U2SURP: variants seen among roughly 807,000 people sequenced by gnomAD.
U2SURP encodes U2 snRNP associated SURP domain containing.
U2SURP carries 9 observed loss-of-function variants against 144.9 expected under a neutral mutation model. That is an observed-to-expected ratio of 0.06 (90% CI 0.04 to 0.11). The LOEUF (loss-of-function observed/expected upper bound fraction) is 0.11, where lower values mean the gene tolerates loss of function less well. Ranked by LOEUF, U2SURP falls within the 10% of genes least tolerant of loss-of-function variation. The pLI is 1.00. For synonymous variants in U2SURP, 408 were observed against 396.8 expected, an observed-to-expected ratio of 1.03 and a Z score of -0.33; for missense variants, 724 against 1,226.7, an observed-to-expected ratio of 0.59 and a Z score of 6.12.
At chr3:143,045,429 G>C (rs1455481281) in intron 24 of U2SURP, among the ~76,000 whole-genome samples, 1 of 148,158 alleles carries the variant, frequency 6.7e-6, no homozygotes, top group East Asian at 2.0e-4. Flanking sequence ...TGTTGGAGTA[G>C]AAATAGACTT....
rs1933278023 is a variant in U2SURP at position 143,028,420 on chromosome 3, A to C, written c.1446+14A>C. ...TCTATTCTGCAGGCAAGTAGAATCA[A>C]TTACTTTGTTAATTTTGACTCTGAG... On this transcript the variant is annotated intron_variant, in intron 15 of 27. Coordinates refer to ENST00000473835, the MANE Select transcript of U2SURP (RefSeq NM_001080415.2). The C allele has an allele frequency of 1.2e-6, 2 of 1,612,014 alleles. No individual in the cohort carries two copies. The highest frequency in any genetic ancestry group is 4.5e-5 in the East Asian group (2 of 44,826).
chr3:143,020,717 G>C (rs773336713), intron 8 of U2SURP, 24 bp downstream of exon 8: 8 of 1,559,298 alleles, frequency 5.1e-6, no homozygotes, highest in Non-Finnish European at 6.2e-6. Flanking sequence ...ATTTTAATGT[G>C]TATGCTTGTG....
intron 24 of U2SURP, among the ~76,000 whole-genome samples, chr3:143,046,098 T>A (rs191908522): frequency 6.6e-6 from 1 of 152,106 alleles, no homozygotes. Flanking sequence ...GTATATATAC[T>A]GTAATTTTGC....
intron 1 of U2SURP, among the ~76,000 whole-genome samples, chr3:143,007,293 T>TTTTC (rs1560173714): frequency 1.5e-4 from 23 of 151,526 alleles, no homozygotes; most frequent in Middle Eastern, 3.4e-3. Flanking sequence ...CTTTTCTTTT[T>TTTTC]TTTTTTTTCC....
At position 143,040,049 on chromosome 3, in the gene U2SURP, G is replaced by A. The variant is rs183656502; in HGVS notation, c.2384+1089G>A. On this transcript the variant is annotated intron_variant, in intron 23 of 27. Coordinates refer to ENST00000473835, the MANE Select transcript of U2SURP (RefSeq NM_001080415.2). ...GGTTTTCTGAACCCTTTTTATGTTC[G>A]TGATCCTATGATTAGTAACATCTTA... Among the ~76,000 whole-genome samples, 30 of 151,896 alleles carry A rather than the reference G, an allele frequency of 2.0e-4. No individual in the cohort carries two copies. The Middle Eastern group carries it at 0.02, about 103-fold the overall frequency.
At chr3:143,048,087 G>T (rs1934638831) in intron 24 of U2SURP, among the ~76,000 whole-genome samples, 1 of 152,234 alleles carries the variant, frequency 6.6e-6, no homozygotes, top group South Asian at 2.1e-4. Flanking sequence ...ATCACTTTCT[G>T]TCCTGGTCCC....
chr3:143,053,398 A>G (rs1934986903), intron 25 of U2SURP, among the ~76,000 whole-genome samples: 1 of 152,188 alleles, frequency 6.6e-6, no homozygotes, highest in Non-Finnish European at 1.5e-5. Context: ...AAATGATTAC[A>G]TGAAATGGTC....
chr3:143,025,974 A>G (rs1933122908), intron 13 of U2SURP: 2 of 152,160 alleles, frequency 1.3e-5, no homozygotes, highest in Admixed American at 6.6e-5. Flanking sequence ...TTTACATTCT[A>G]GCAGTTATAT....
chr3:143,053,801 C>T lies in U2SURP; in HGVS notation c.2774+7C>T. 1.3e-6 allele frequency: 2 copies of T among 1,570,990 alleles called. No individual in the cohort carries two copies. Among genetic ancestry groups the T allele is most frequent in the Non-Finnish European group, 1.7e-6 (2 of 1,163,152 alleles). ...CTCCGACAAGGAAGGAAAGGTATAACATTTCTCATATTTAATTGCATATAC... is the reference window on the plus strand; with the variant it reads ...CTCCGACAAGGAAGGAAAGGTATAATATTTCTCATATTTAATTGCATATAC... On this transcript the variant is annotated splice_region_variant and intron_variant, in intron 26 of 27. Coordinates refer to ENST00000473835, the MANE Select transcript of U2SURP (RefSeq NM_001080415.2).
chr3:143,028,435 T>G lies in U2SURP; in HGVS notation c.1446+29T>G, dbSNP rs922792265. On this transcript the variant is annotated intron_variant, in intron 15 of 27. Coordinates refer to ENST00000473835, the MANE Select transcript of U2SURP (RefSeq NM_001080415.2). ...AGTAGAATCAATTACTTTGTTAATT[T>G]TGACTCTGAGTAATTAGACCTTTAT... 1.9e-6 allele frequency: 3 copies of G among 1,610,628 alleles called. No individual in the cohort carries two copies. In the Admixed American group the frequency reaches 5.1e-5, roughly 27 times the overall value.
chr3:143,031,031 G>A (rs1017508463), intron 16 of U2SURP, among the ~76,000 whole-genome samples: 1 of 152,158 alleles, frequency 6.6e-6, no homozygotes, highest in East Asian at 1.9e-4. Flanking sequence ...TCCAGATATG[G>A]TAGAAATAGC....
At position 143,057,835 on chromosome 3, in the gene U2SURP, C is replaced by T. The variant is rs544297126; in HGVS notation, c.*1385C>T. On this transcript the variant is annotated 3_prime_UTR_variant, in exon 28 of 28. Coordinates refer to ENST00000473835, the MANE Select transcript of U2SURP (RefSeq NM_001080415.2). The stretch of plus-strand genomic sequence containing the variant: ...TGTTTTACTTAATCTTGCCTAGTCA[C>T]AAAATAAGATGTGCACCCATGGTTT... 1 of 152,350 alleles carries T rather than the reference C, an allele frequency of 6.6e-6. No individual in the cohort carries two copies. The highest frequency in any genetic ancestry group is 1.9e-4 in the East Asian group (1 of 5,180). 9.4% of individuals were successfully genotyped at this position (152,350 alleles called of 1,614,324 possible). A position where few individuals can be genotyped will look rare whatever the true frequency, so the allele number is the denominator to read the frequency against.
At chr3:143,004,684 A>G (rs1356096269) in intron 1 of U2SURP, among the ~76,000 whole-genome samples, 1 of 150,138 alleles carries the variant, frequency 6.7e-6, no homozygotes, top group African/African-American at 2.5e-5. Flanking sequence ...TACTTGAATG[A>G]CTTACCTTTA....
intron 1 of U2SURP, among the ~76,000 whole-genome samples, chr3:143,003,110 A>G (rs1935623708): frequency 6.6e-6 from 1 of 152,214 alleles, no homozygotes; most frequent in African/African-American, 2.4e-5. Flanking sequence ...TACATTGAAA[A>G]CATTTCAATG....
At chr3:143,002,120 A>G (rs2108261338) in intron 1 of U2SURP, 1 of 238,194 alleles carries the variant, frequency 4.2e-6, no homozygotes, top group South Asian at 4.3e-5. Context: ...GTTTCCCTCC[A>G]AGGAATGAAT....
chr3:143,043,027 C>G (rs769577192), intron 23 of U2SURP, 90 bp from the exon 24 acceptor site: 4 of 1,294,424 alleles, frequency 3.1e-6, no homozygotes, highest in Non-Finnish European at 3.1e-6. Flanking sequence ...TATTTAAGCT[C>G]TAAGACAATG....
chr3:143,016,781 A>G (rs889337676), intron 5 of U2SURP, 61 bp from the exon 6 acceptor site: 14 of 1,389,038 alleles, frequency 1.0e-5, no homozygotes, highest in East Asian at 7.9e-5. Context: ...TTGTTTTTAA[A>G]TAAAACAGTA....
At chr3:143,050,879 A>G (rs1223354427) in intron 24 of U2SURP, 60 bp from the exon 25 acceptor site, 3 of 1,190,248 alleles carry the variant, frequency 2.5e-6, no homozygotes, top group Middle Eastern at 2.0e-4. Flanking sequence ...AAGAAGCAAA[A>G]CAGTGCTTGA....
chr3:143,033,059 A>G (rs1374776775), intron 17 of U2SURP, 113 bp downstream of exon 17: 16 of 1,232,360 alleles, frequency 1.3e-5, no homozygotes, highest in Non-Finnish European at 9.0e-6. Flanking sequence ...ATGCAGTCTT[A>G]TGTTATTTCT....
Sources: gnomAD v4.1 joint callset for allele counts (sites outside exome capture counted in the v4.1 genomes callset) on GRCh38, gnomAD v4.1.1 for gene constraint, MANE v1.5 for transcripts, NCBI Gene and HGNC (gene_info 2026-07-23, HGNC 2026-07-21) for gene names.